DNAH11: variants seen among roughly 807,000 people sequenced by gnomAD.
The protein encoded by DNAH11 is axonemal beta dynein heavy chain 11.
A neutral mutation model predicts 526.0 loss-of-function variants in DNAH11; 442 were observed. The observed-to-expected ratio is 0.84, with a 90% confidence interval of 0.78 to 0.91. The LOEUF is 0.91. Among genes scored for constraint, DNAH11 ranks in the 40% least tolerant of loss-of-function variants. DNAH11 has a pLI of 0.00. For missense variants in DNAH11, 6,989 were observed against 5,448.7 expected, an observed-to-expected ratio of 1.28 and a Z score of -8.90; for synonymous variants, 2,461 against 1,935.9, an observed-to-expected ratio of 1.27 and a Z score of -7.12.
At chr7:21,855,715 C>A (rs1290733663) in intron 68 of DNAH11, among the ~76,000 whole-genome samples, 1 of 152,122 alleles carries the variant, frequency 6.6e-6, no homozygotes, top group East Asian at 1.9e-4. Context: ...TCTGTTCATC[C>A]GTTTTTAGAC....
chr7:21,872,833 G>C, intron 73 of DNAH11, among the ~76,000 whole-genome samples: 1 of 152,174 alleles, frequency 6.6e-6, no homozygotes, highest in East Asian at 1.9e-4. Flanking sequence ...GAGTAGAAGA[G>C]GTTTCCATCA....
intron 18 of DNAH11, 112 bp from the exon 19 acceptor site, chr7:21,606,314 C>G: frequency 1.1e-6 from 1 of 898,156 alleles, no homozygotes; most frequent in East Asian, 2.7e-5. Flanking sequence ...TAGAGCCAGA[C>G]CTTGTCTCAA....
At chr7:21,720,609 C>T (rs1784837903) in intron 43 of DNAH11, 116 bp from the exon 44 acceptor site, 1 of 1,203,656 alleles carries the variant, frequency 8.3e-7, no homozygotes, top group East Asian at 3.0e-5. Context: ...TGTAGCAAAT[C>T]ACAGCTGGGA....
intron 66 of DNAH11, among the ~76,000 whole-genome samples, chr7:21,849,115 C>T (rs561938062): frequency 8.6e-4 from 131 of 152,286 alleles, no homozygotes; most frequent in African/African-American, 3.1e-3. Flanking sequence ...AAACTCCTGA[C>T]CTCAGGTGTT....
intron 49 of DNAH11, among the ~76,000 whole-genome samples, chr7:21,743,957 G>A (rs749803606): frequency 6.6e-6 from 1 of 152,234 alleles, no homozygotes; most frequent in Non-Finnish European, 1.5e-5. Flanking sequence ...GAGTGAGCAA[G>A]GGAGTCACAA....
intron 74 of DNAH11, among the ~76,000 whole-genome samples, chr7:21,874,707 G>GAT (rs938668549): frequency 3.3e-5 from 5 of 151,518 alleles, no homozygotes; most frequent in African/African-American, 1.2e-4. Context: ...ACATATATAT[G>GAT]ATATATATAT....
chr7:21,597,608 T>C (rs1009579801), intron 14 of DNAH11, among the ~76,000 whole-genome samples: 1 of 152,040 alleles, frequency 6.6e-6, no homozygotes, highest in Non-Finnish European at 1.5e-5. Context: ...CACACACTTA[T>C]CAAACAACCA....
At chr7:21,862,596 A>G (rs1353299058) in intron 69 of DNAH11, among the ~76,000 whole-genome samples, 1 of 152,202 alleles carries the variant, frequency 6.6e-6, no homozygotes, top group Non-Finnish European at 1.5e-5. Context: ...CTACAATATA[A>G]ACATGTATCG....
At chr7:21,628,601 C>T (rs1786458862) in intron 25 of DNAH11, among the ~76,000 whole-genome samples, 1 of 152,104 alleles carries the variant, frequency 6.6e-6, no homozygotes, top group Non-Finnish European at 1.5e-5. Flanking sequence ...TTTGTTGACT[C>T]ACATAAGTTA....
chr7:21,879,747 A>G (rs73279881), intron 74 of DNAH11, among the ~76,000 whole-genome samples: 73 of 152,248 alleles, frequency 4.8e-4, no homozygotes, highest in African/African-American at 1.7e-3. Context: ...ACCTAACTCA[A>G]GTTTTCCAGA....
chr7:21,696,283 A>T (rs73063725), intron 35 of DNAH11, among the ~76,000 whole-genome samples: 144 of 152,244 alleles, frequency 9.5e-4, no homozygotes, highest in South Asian at 4.8e-3. Context: ...TCTAATTTTT[A>T]TAGTATTACT....
intron 2 of DNAH11, among the ~76,000 whole-genome samples, chr7:21,545,504 C>G (rs1782774951): frequency 6.6e-6 from 1 of 152,134 alleles, no homozygotes; most frequent in African/African-American, 2.4e-5. Context: ...TTTTAAGCTT[C>G]ACATTCAGAG....
chr7:21,682,446 A>T (rs934562958), intron 31 of DNAH11, among the ~76,000 whole-genome samples: 4 of 150,756 alleles, frequency 2.7e-5, no homozygotes, highest in African/African-American at 9.8e-5. Flanking sequence ...GAATGGTGTG[A>T]ACCCAGGAGG....
intron 6 of DNAH11, among the ~76,000 whole-genome samples, chr7:21,569,666 G>T (rs1783805551): frequency 6.6e-6 from 1 of 152,120 alleles, no homozygotes; most frequent in Admixed American, 6.5e-5. Flanking sequence ...GAACTACCAG[G>T]TAAAGTGAGC....
chr7:21,866,258 A>G (rs1429673751), intron 70 of DNAH11, among the ~76,000 whole-genome samples: 1 of 150,646 alleles, frequency 6.6e-6, no homozygotes, highest in African/African-American at 2.4e-5. Flanking sequence ...GCCAAACCCA[A>G]CTAGGTCAGG....
At chr7:21,651,227 C>G (rs1161871101) in intron 28 of DNAH11, among the ~76,000 whole-genome samples, 2 of 152,012 alleles carry the variant, frequency 1.3e-5, no homozygotes, top group Non-Finnish European at 2.9e-5. Flanking sequence ...ATATTTTATC[C>G]CATTAATAAG....
At chr7:21,763,410 A>T (rs1168923893) in intron 54 of DNAH11, among the ~76,000 whole-genome samples, 1 of 152,076 alleles carries the variant, frequency 6.6e-6, no homozygotes, top group African/African-American at 2.4e-5. Context: ...GATACACAAC[A>T]TCACTAATCA....
At chr7:21,777,156 G>A (rs1226562496) in intron 56 of DNAH11, among the ~76,000 whole-genome samples, 1 of 151,850 alleles carries the variant, frequency 6.6e-6, no homozygotes, top group Non-Finnish European at 1.5e-5. Flanking sequence ...CTATAGTTTT[G>A]TCATTTCAAA....
rs766312907 is a variant in DNAH11, at chr7:21,864,575, A to G, written c.11414A>G (p.Asp3805Gly). The G allele has an allele frequency of 6.2e-7, 1 of 1,612,128 alleles. No homozygotes were observed. The highest frequency in any genetic ancestry group is 1.1e-5 in the South Asian group (1 of 90,724). ...AAAGAGATAGACCCTCTTGAATTGG[A>G]TTTCCTGCTTCGATTCACAGTTGAA... ...RKKEIDPLELDFLLRFTVEHT... is the reference protein window; with the variant it reads ...RKKEIDPLELGFLLRFTVEHT... The change falls in exon 70 of 82, where the codon GAT becomes GGT. Residue 3805 changes from aspartate (D) to glycine (G), a missense_variant. Physicochemically the swap from Asp to Gly is moderately conservative, Grantham distance 94. Transcript: ENST00000409508.
Sources: allele counts gnomAD v4.1 joint callset (sites outside exome capture counted in the v4.1 genomes callset), GRCh38; gene constraint gnomAD v4.1.1; transcripts MANE v1.5; gene names NCBI Gene and HGNC (gene_info 2026-07-23, HGNC 2026-07-21).